FADS6: variants seen among roughly 807,000 people sequenced by gnomAD.
The protein encoded by FADS6 is fatty acid desaturase domain family, member 6.
In FADS6, 28 loss-of-function variants were observed where a neutral mutation model predicts 31.7. That is an observed-to-expected ratio of 0.88 (90% CI 0.66 to 1.21). The LOEUF (loss-of-function observed/expected upper bound fraction) is 1.21, where lower values mean the gene tolerates loss of function less well. Ranked by LOEUF, FADS6 falls within the 50% of genes most tolerant of loss-of-function variation. The pLI is 0.00. For missense variants in FADS6, 494 were observed against 504.2 expected (o/e 0.98, Z 0.19); for synonymous variants, 191 against 213.1 (o/e 0.90, Z 0.90).
intron 4 of FADS6, 138 bp from the exon 5 acceptor site, chr17:74,879,721 GC>G: frequency 3.6e-6 from 3 of 842,006 alleles, no homozygotes; most frequent in Non-Finnish European, 5.4e-6. Flanking sequence ...GGGGCTCCTG[GC>G]CCAGCTCCGA....
At chr17:74,882,766 T>C (rs1053812350) in intron 2 of FADS6, 56 bp from the exon 3 acceptor site, 71 of 1,563,952 alleles carry the variant, frequency 4.5e-5, no homozygotes, top group Non-Finnish European at 6.1e-5. Context: ...AGTTGAGCAA[T>C]GCAGGACCTT....
chr17:74,879,242 G>T, intron 5 of FADS6, 162 bp downstream of exon 5: 1 of 831,992 alleles, frequency 1.2e-6, no homozygotes, highest in Non-Finnish European at 1.8e-6. Context: ...TCACCATGTT[G>T]CCCAGGCTGC....
intron 5 of FADS6, among the ~76,000 whole-genome samples, chr17:74,878,721 G>T (rs2038534111): frequency 6.6e-6 from 1 of 152,168 alleles, no homozygotes; most frequent in Non-Finnish European, 1.5e-5. Flanking sequence ...CTTGGCACAG[G>T]GGGATAAAAA....
chr17:74,886,006 G>A (rs558150383), intron 2 of FADS6, among the ~76,000 whole-genome samples: 3 of 152,212 alleles, frequency 2.0e-5, no homozygotes, highest in African/African-American at 4.8e-5. Flanking sequence ...TTGGGAGGCC[G>A]AGGCGGGCGG....
At chr17:74,881,040 C>T (rs770236846) in intron 4 of FADS6, 28 bp downstream of exon 4, 2 of 1,598,324 alleles carry the variant, frequency 1.3e-6, no homozygotes, top group Admixed American at 1.7e-5. Flanking sequence ...CCTTAGCTGC[C>T]CAGCGCCCCA....
At chr17:74,876,340 A>C (rs1368248580), downstream of FADS6, among the ~76,000 whole-genome samples, 2 of 152,148 alleles carry the variant, frequency 1.3e-5, no homozygotes, top group Non-Finnish European at 2.9e-5. Context: ...ACGCTCAGAG[A>C]ATGACTTGCA....
intron 2 of FADS6, 132 bp downstream of exon 2, chr17:74,892,391 G>T: frequency 1.8e-6 from 2 of 1,121,524 alleles, no homozygotes; most frequent in Non-Finnish European, 2.5e-6. Context: ...CAGTGGACCG[G>T]CATACCATCA....
intron 2 of FADS6, among the ~76,000 whole-genome samples, chr17:74,888,144 A>G (rs867801799): frequency 0.051 from 5,849 of 113,576 alleles, 144 homozygotes; most frequent in African/African-American, 0.055. Flanking sequence ...ACACACACAC[A>G]CACACACACA....
intron 2 of FADS6, chr17:74,882,941 G>C: frequency 8.3e-7 from 1 of 1,199,952 alleles, no homozygotes; most frequent in East Asian, 2.7e-5. Context: ...GCTCTGCAAA[G>C]CATTTGGGGG....
intron 3 of FADS6, among the ~76,000 whole-genome samples, chr17:74,882,147 G>A (rs568859545): frequency 2.0e-5 from 3 of 152,032 alleles, no homozygotes; most frequent in Non-Finnish European, 4.4e-5. Context: ...TGTTGCCCAG[G>A]GTGGTCTCAA....
intron 2 of FADS6, among the ~76,000 whole-genome samples, chr17:74,890,114 C>T (rs1202856015): frequency 6.6e-6 from 1 of 152,178 alleles, no homozygotes; most frequent in African/African-American, 2.4e-5. Context: ...AATTAAGTAA[C>T]TTGCTCAAGG....
intron 5 of FADS6, 111 bp downstream of exon 5, chr17:74,879,293 T>G: frequency 7.4e-7 from 1 of 1,356,350 alleles, no homozygotes; most frequent in East Asian, 2.6e-5. Flanking sequence ...CACCTCAGCC[T>G]CCGCAAGTGC....
Position 74,878,019 on chromosome 17 carries a change from A to C in FADS6, c.*312T>G. On this transcript the variant is annotated 3_prime_UTR_variant, in exon 6 of 6. Coordinates refer to ENST00000612771, the MANE Select transcript of FADS6 (RefSeq NM_178128.6). ...CACCCTGTCACCTCCCTTTAACCCT[A>C]CCAAGGCTCAGATGGAGCAGGGGGA... is the stretch of plus-strand genomic sequence containing the variant. 1 of 1,120,690 alleles carries C rather than the reference A, an allele frequency of 8.9e-7. No individual in the cohort carries two copies. The highest frequency in any genetic ancestry group is 5.9e-5 in the East Asian group (1 of 16,936). 69.4% of individuals were successfully genotyped at this position (1,120,690 alleles called of 1,614,324 possible). A position where few individuals can be genotyped will look rare whatever the true frequency, so the allele number is the denominator to read the frequency against.
Position 74,878,314 on chromosome 17 carries a change from G to C in FADS6, c.*17C>G. ...CAGGCCAGGGAGGGGCAGGGTGGCTGCACCGGCCCGGCCTCATTACAGCCC... is the reference window on the plus strand; with the variant it reads ...CAGGCCAGGGAGGGGCAGGGTGGCTCCACCGGCCCGGCCTCATTACAGCCC... On this transcript the variant is annotated 3_prime_UTR_variant, in exon 6 of 6. Transcript: ENST00000612771. 1 of 1,607,170 alleles carries C rather than the reference G, an allele frequency of 6.2e-7. No individual in the cohort carries two copies. The highest frequency in any genetic ancestry group is 8.5e-7 in the Non-Finnish European group (1 of 1,176,792).
In FADS6 at chr17:74,882,557, G is replaced by T; in HGVS notation, c.565C>A (p.Pro189Thr). Reference sequence around the variant, plus strand: ...ACAGCCACCAGTGGAGTGGCGATGGGGAGGAGGAAAGGAGCAAGGAACATG... The same window carrying T: ...ACAGCCACCAGTGGAGTGGCGATGGTGAGGAGGAAAGGAGCAAGGAACATG... ...VYMFLAPFLL[P>T]IATPLVAVER... The change falls in exon 3 of 6, where the codon CCC becomes ACC. Residue 189 changes from proline to threonine, a missense_variant. Physicochemically the swap from Pro to Thr is conservative, Grantham distance 38 (BLOSUM62 -1). This residue lies in a region of FADS6 where 454 missense variants were observed against 438.5 expected (regional missense o/e 1.04). Coordinates refer to ENST00000612771, the MANE Select transcript of FADS6 (RefSeq NM_178128.6). 6.2e-7 allele frequency: 1 copy of T among 1,611,754 alleles called. No homozygotes were observed. Among genetic ancestry groups the T allele is most frequent in the Non-Finnish European group, 8.5e-7 (1 of 1,178,988 alleles).
chr17:74,887,511 T>C (rs1007511917), intron 2 of FADS6, among the ~76,000 whole-genome samples: 1 of 152,230 alleles, frequency 6.6e-6, no homozygotes, highest in African/African-American at 2.4e-5. Context: ...CCCAGTCACC[T>C]ACCAGCTGGC....
intron 2 of FADS6, among the ~76,000 whole-genome samples, chr17:74,889,222 G>A (rs1395251510): frequency 6.6e-6 from 1 of 152,198 alleles, no homozygotes; most frequent in East Asian, 1.9e-4. Context: ...ATGATACTCA[G>A]TTAATGCCTG....
chr17:74,893,386 G>A lies in FADS6; in HGVS notation c.210C>T (p.Ala70=), dbSNP rs577095526. 72 of 1,535,012 alleles carry A rather than the reference G, an allele frequency of 4.7e-5. No individual in the cohort carries two copies. The African/African-American group carries it at 9.7e-4, about 21-fold the overall frequency. Residue 70 remains alanine, a synonymous_variant, in exon 1 of 6, where the codon GCC becomes GCT. Transcript: ENST00000612771. ...AGGCGAAGAGGCTGAGCGCGAGGAT[G>A]GCGCAGTCCACGCCGTGGCGCTCCC... ...SWWERHGVDC[A]ILALSLFALP... is the part of the protein sequence containing the mutation.
chr17:74,888,672 G>A (rs888261986), intron 2 of FADS6, among the ~76,000 whole-genome samples: 17 of 152,190 alleles, frequency 1.1e-4, no homozygotes, highest in African/African-American at 2.2e-4. Context: ...GCACAAAGCC[G>A]ACTTCACATG....
Sources: gnomAD v4.1 joint callset for allele counts (sites outside exome capture counted in the v4.1 genomes callset) on GRCh38, gnomAD v4.1.1 for gene constraint, gnomAD v4.1.1 regional missense constraint, MANE v1.5 for transcripts, NCBI Gene and HGNC (gene_info 2026-07-23, HGNC 2026-07-21) for gene names.